EPHA6: variants seen among roughly 807,000 people sequenced by gnomAD.
EPHA6 encodes the protein EPH receptor A6.
A neutral mutation model predicts 112.0 loss-of-function variants in EPHA6; 50 were observed. The observed-to-expected ratio is 0.45, with a 90% CI of 0.36 to 0.56. The LOEUF (loss-of-function observed/expected upper bound fraction) is 0.56. Among genes scored for constraint, EPHA6 ranks in the 20% least tolerant of loss-of-function variants. The pLI, the probability that EPHA6 is intolerant of heterozygous loss-of-function variation, is 0.00. For missense variants in EPHA6, 1,280 were observed against 1,417.4 expected, an observed-to-expected ratio of 0.90 and a Z score of 1.56; for synonymous variants, 529 against 490.7, an observed-to-expected ratio of 1.08 and a Z score of -1.03.
chr3:97,678,026 C>T (rs1479208084), intron 14 of EPHA6, among the ~76,000 whole-genome samples: 2 of 151,998 alleles, frequency 1.3e-5, no homozygotes, highest in African/African-American at 4.8e-5. Context: ...GGACTGTATT[C>T]CTGGAGGGAG....
At chr3:96,854,980 A>G (rs1169964859) in intron 1 of EPHA6, among the ~76,000 whole-genome samples, 2 of 152,264 alleles carry the variant, frequency 1.3e-5, no homozygotes, top group South Asian at 4.1e-4. Context: ...CTAGGCTAAA[A>G]CCAAGGTGTT....
chr3:97,117,823 A>G (rs1214398317), intron 3 of EPHA6, among the ~76,000 whole-genome samples: 1 of 151,862 alleles, frequency 6.6e-6, no homozygotes, highest in Non-Finnish European at 1.5e-5. Flanking sequence ...TCATAAGAAG[A>G]AACCAAGTAT....
chr3:97,396,372 A>G (rs2086695088), intron 5 of EPHA6, among the ~76,000 whole-genome samples: 1 of 149,780 alleles, frequency 6.7e-6, no homozygotes, highest in African/African-American at 2.5e-5. Context: ...ATACAGTTTT[A>G]GAAACATAAC....
intron 14 of EPHA6, among the ~76,000 whole-genome samples, chr3:97,719,038 G>A (rs1446621528): frequency 1.4e-5 from 2 of 145,236 alleles, no homozygotes; most frequent in African/African-American, 5.1e-5. Flanking sequence ...CATTTGCCTT[G>A]TAAAACCTAA....
Position 97,179,653 on chromosome 3 carries a change from G to A in EPHA6, c.1115-46611G>A, listed in dbSNP as rs538107340. Among the ~76,000 whole-genome samples, 30 of 151,736 alleles carry A rather than the reference G, an allele frequency of 2.0e-4. No individual in the cohort carries two copies. The South Asian group carries it at 2.7e-3, about 14-fold the overall frequency. On this transcript the variant is annotated intron_variant, in intron 3 of 17. Transcript: ENST00000389672. ...CTTGATGATCTTGGACAAGGTCCAG[G>A]AGAATTCTCTGGATTGCCAGGCAGA...
At chr3:97,335,742 G>T (rs9851253) in intron 5 of EPHA6, among the ~76,000 whole-genome samples, 3,290 of 152,242 alleles carry the variant, frequency 0.022, 135 homozygotes, top group African/African-American at 0.075. Context: ...AATTGCAATA[G>T]AGAAAGAGTC....
chr3:97,441,890 G>T (rs936254693), intron 6 of EPHA6, among the ~76,000 whole-genome samples: 1 of 151,896 alleles, frequency 6.6e-6, no homozygotes, highest in African/African-American at 2.4e-5. Flanking sequence ...AGAAAATGAT[G>T]ATTTATTTCA....
intron 11 of EPHA6, among the ~76,000 whole-genome samples, chr3:97,567,800 C>T (rs1240128557): frequency 6.6e-6 from 1 of 152,160 alleles, no homozygotes; most frequent in Admixed American, 6.5e-5. Flanking sequence ...GTCCTGAAGA[C>T]AGGAGGCACA....
intron 5 of EPHA6, among the ~76,000 whole-genome samples, chr3:97,306,261 G>A (rs567068045): frequency 9.3e-5 from 14 of 150,262 alleles, no homozygotes; most frequent in African/African-American, 3.4e-4. Flanking sequence ...TTTGAAGAGG[G>A]GAAACAATGT....
At chr3:97,504,738 C>A (rs1311097325) in intron 10 of EPHA6, among the ~76,000 whole-genome samples, 1 of 152,084 alleles carries the variant, frequency 6.6e-6, no homozygotes, top group African/African-American at 2.4e-5. Context: ...TGGTGTATAT[C>A]CTTCTAATCT....
intron 4 of EPHA6, among the ~76,000 whole-genome samples, chr3:97,234,160 C>T (rs192126879): frequency 6.6e-6 from 1 of 152,164 alleles, no homozygotes; most frequent in Admixed American, 6.6e-5. Context: ...AAAATTATGT[C>T]TCACATTCAA....
intron 3 of EPHA6, among the ~76,000 whole-genome samples, chr3:97,088,823 C>G (rs542946524): frequency 1.3e-5 from 2 of 152,068 alleles, no homozygotes; most frequent in Non-Finnish European, 2.9e-5. Flanking sequence ...GTCACTCTAC[C>G]AGTGCTTGGT....
intron 3 of EPHA6, among the ~76,000 whole-genome samples, chr3:97,146,155 T>C (rs944839168): frequency 1.3e-5 from 2 of 151,834 alleles, no homozygotes; most frequent in African/African-American, 4.8e-5. Flanking sequence ...TTTAGTAGTG[T>C]TGGTCTTTCT....
intron 14 of EPHA6, among the ~76,000 whole-genome samples, chr3:97,710,744 T>C (rs9829939): frequency 0.11 from 16,705 of 152,144 alleles, 2,563 homozygotes; most frequent in African/African-American, 0.35. Context: ...TCAGCTCTAC[T>C]GTTGTTTTGT....
intron 13 of EPHA6, among the ~76,000 whole-genome samples, chr3:97,637,078 T>C (rs1024310742): frequency 1.3e-5 from 2 of 152,162 alleles, no homozygotes; most frequent in African/African-American, 2.4e-5. Flanking sequence ...CAGATAACAA[T>C]TGGGTATTTT....
At chr3:97,365,671 A>G (rs1032563856) in intron 5 of EPHA6, among the ~76,000 whole-genome samples, 1 of 152,208 alleles carries the variant, frequency 6.6e-6, no homozygotes, top group Non-Finnish European at 1.5e-5. Context: ...TACAGGCGTC[A>G]GCCACCGTGC....
At chr3:97,357,518 G>C (rs548834416) in intron 5 of EPHA6, among the ~76,000 whole-genome samples, 1 of 152,072 alleles carries the variant, frequency 6.6e-6, no homozygotes, top group Non-Finnish European at 1.5e-5. Context: ...TGTATAGTTG[G>C]TCATATGTTT....
intron 11 of EPHA6, among the ~76,000 whole-genome samples, chr3:97,573,062 T>C (rs2093350382): frequency 6.6e-6 from 1 of 152,200 alleles, no homozygotes; most frequent in Non-Finnish European, 1.5e-5. Context: ...TGTATGACAC[T>C]CTTGAATTAA....
intron 5 of EPHA6, among the ~76,000 whole-genome samples, chr3:97,315,547 A>C (rs1008873369): frequency 4.0e-5 from 6 of 151,702 alleles, no homozygotes; most frequent in Non-Finnish European, 8.8e-5. Context: ...GTAGAATCAA[A>C]TAATTTGAAA....
Sources: allele counts gnomAD v4.1 joint callset (sites outside exome capture counted in the v4.1 genomes callset), GRCh38; gene constraint gnomAD v4.1.1; transcripts MANE v1.5; gene names NCBI Gene and HGNC (gene_info 2026-07-23, HGNC 2026-07-21).